Variants in PARD3B observed in about 807,000 individuals in gnomAD.
The protein encoded by PARD3B is partitioning defective 3 homolog B.
A neutral mutation model predicts 130.2 loss-of-function variants in PARD3B; 103 were observed. The ratio of observed to expected loss-of-function variants is 0.79; its 90% CI spans 0.67 to 0.93. The LOEUF is 0.93. Among genes scored for constraint, PARD3B ranks in the 40% least tolerant of loss-of-function variants. PARD3B has a pLI of 0.00. For synonymous variants in PARD3B, 583 were observed against 553.2 expected (o/e 1.05, Z -0.76); for missense variants, 1,609 against 1,499.2 (o/e 1.07, Z -1.21).
chr2:205,270,855 C>G (rs995628350), intron 16 of PARD3B, among the ~76,000 whole-genome samples: 1 of 152,078 alleles, frequency 6.6e-6, no homozygotes, highest in Non-Finnish European at 1.5e-5. Flanking sequence ...GGTCTTCCCC[C>G]AGACGGCTTT....
At chr2:204,891,409 G>A (rs1054594563) in intron 2 of PARD3B, among the ~76,000 whole-genome samples, 18 of 152,064 alleles carry the variant, frequency 1.2e-4, no homozygotes, top group Admixed American at 2.0e-4. Context: ...TGTATGCTGC[G>A]TGCAAGGTCT....
In PARD3B at chr2:204,952,976, G is replaced by A. The variant is rs148028632; in HGVS notation, c.223-12176G>A. On this transcript the variant is annotated intron_variant, in intron 2 of 22. Coordinates refer to ENST00000406610, the MANE Select transcript of PARD3B (RefSeq NM_001302769.2). ...CTTGCTACTGCACTCCAGCCTGGGC[G>A]ACAGTGCGAGACTCAGTCTCAAAAA... Among the ~76,000 whole-genome samples the A allele has an allele frequency of 9.6e-3, 1,345 of 140,652 alleles. 28 individuals are homozygous for A. Among genetic ancestry groups the A allele is most frequent in the African/African-American group, 0.034 (1,265 of 37,310 alleles). The allele number at this position is 140,652 out of a possible 152,430, so 92.3% of individuals were successfully genotyped here. A position where few individuals can be genotyped will look rare whatever the true frequency, so the allele number is the denominator to read the frequency against.
At chr2:205,374,872 G>A (rs943743765) in intron 18 of PARD3B, among the ~76,000 whole-genome samples, 1 of 152,182 alleles carries the variant, frequency 6.6e-6, no homozygotes, top group African/African-American at 2.4e-5. Context: ...TTTTTCAAAG[G>A]TTAGACATGC....
chr2:204,985,163 C>T (rs554294764), intron 3 of PARD3B, among the ~76,000 whole-genome samples: 6 of 152,182 alleles, frequency 3.9e-5, no homozygotes, highest in African/African-American at 1.4e-4. Flanking sequence ...CCTTCCCCCA[C>T]TTCTTTCCTT....
intron 2 of PARD3B, among the ~76,000 whole-genome samples, chr2:204,961,031 GC>G (rs1233954942): frequency 6.6e-6 from 1 of 152,166 alleles, no homozygotes; most frequent in Admixed American, 6.6e-5. Context: ...AGACAATAGT[GC>G]AGCTGGATGG....
At chr2:204,953,011 G>GGT (rs1689914195) in intron 2 of PARD3B, among the ~76,000 whole-genome samples, 2 of 136,404 alleles carry the variant, frequency 1.5e-5, no homozygotes, top group South Asian at 2.5e-4. Flanking sequence ...AAAAAAAAAA[G>GGT]GTATATATAT....
chr2:204,659,906 G>C (rs976049910), intron 1 of PARD3B, among the ~76,000 whole-genome samples: 18 of 152,116 alleles, frequency 1.2e-4, no homozygotes, highest in Non-Finnish European at 2.5e-4. Flanking sequence ...TAAACATAAA[G>C]TTGCAACTAT....
At chr2:205,184,556 C>T (rs1232766559) in intron 13 of PARD3B, among the ~76,000 whole-genome samples, 2 of 152,010 alleles carry the variant, frequency 1.3e-5, no homozygotes, top group Admixed American at 6.6e-5. Context: ...TCCTGGCTAA[C>T]ACGGTGAAAC....
At chr2:205,557,566 C>T (rs1306195615) in intron 22 of PARD3B, among the ~76,000 whole-genome samples, 3 of 152,186 alleles carry the variant, frequency 2.0e-5, no homozygotes, top group African/African-American at 7.2e-5. Context: ...CATCACTTAC[C>T]ACCTGTGTGG....
chr2:205,300,627 C>A lies in PARD3B; in HGVS notation c.2283C>A (p.Asp761Glu). 1 of 1,613,934 alleles carries A rather than the reference C, an allele frequency of 6.2e-7. No homozygotes were observed. Among genetic ancestry groups the A allele is most frequent in the Non-Finnish European group, 8.5e-7 (1 of 1,180,012 alleles). ...QTAVAEVRKN[D>E]LPFHRPRPHM... ...CAGTGGCCGAGGTCAGGAAGAATGA[C>A]CTTCCCTTTCACAGGCCCCGGCCGC... The change falls in exon 17 of 23, where the codon GAC becomes GAA. Residue 761 changes from aspartate to glutamate, a missense_variant. Physicochemically the swap from Asp to Glu is conservative, Grantham distance 45. Transcript: ENST00000406610. The surrounding 1 kb of genome is among the most constrained non-coding windows in gnomAD (Gnocchi z 4.1).
chr2:204,913,045 A>G (rs146943853), intron 2 of PARD3B, among the ~76,000 whole-genome samples: 91 of 152,370 alleles, frequency 6.0e-4, no homozygotes, highest in African/African-American at 2.1e-3. Context: ...ATGAATTTTC[A>G]AATGTTTAAC....
chr2:204,566,018 G>A (rs1453695477), intron 1 of PARD3B, among the ~76,000 whole-genome samples: 4 of 152,260 alleles, frequency 2.6e-5, no homozygotes, highest in South Asian at 4.1e-4. Flanking sequence ...CCAATGAGTG[G>A]CAGTGAATAA....
chr2:205,428,702 G>A (rs1455972608), intron 19 of PARD3B, among the ~76,000 whole-genome samples: 3 of 151,948 alleles, frequency 2.0e-5, no homozygotes, highest in Non-Finnish European at 4.4e-5. Flanking sequence ...TTTAAAGGAG[G>A]GAGGAATAAA....
chr2:205,103,509 CTG>C (rs1208692069), intron 4 of PARD3B, among the ~76,000 whole-genome samples: 2 of 151,988 alleles, frequency 1.3e-5, no homozygotes, highest in African/African-American at 2.4e-5. Flanking sequence ...CTTTCTTACT[CTG>C]TTGGAATAAT....
chr2:204,938,615 G>A (rs1028309769), intron 2 of PARD3B, among the ~76,000 whole-genome samples: 87 of 152,114 alleles, frequency 5.7e-4, no homozygotes, highest in African/African-American at 2.0e-3. Context: ...CTAGACTAGG[G>A]CTTCTCAACC....
chr2:205,157,171 G>C (rs1220576645), intron 10 of PARD3B, among the ~76,000 whole-genome samples: 1 of 152,134 alleles, frequency 6.6e-6, no homozygotes, highest in Non-Finnish European at 1.5e-5. Flanking sequence ...GCAAATCCCA[G>C]AGAGGCCTGG....
intron 1 of PARD3B, among the ~76,000 whole-genome samples, chr2:204,625,719 C>T (rs1412595674): frequency 1.3e-5 from 2 of 152,152 alleles, no homozygotes; most frequent in South Asian, 2.1e-4. Flanking sequence ...CCTTTGTTTT[C>T]GAACAAGTTA....
chr2:204,885,064 A>C (rs1010388816), intron 2 of PARD3B, among the ~76,000 whole-genome samples: 7 of 152,226 alleles, frequency 4.6e-5, no homozygotes, highest in Non-Finnish European at 7.3e-5. Context: ...ACTGTCTTCC[A>C]CAATGGTTGA....
intron 1 of PARD3B, among the ~76,000 whole-genome samples, chr2:204,549,218 A>G (rs2030259626): frequency 6.6e-6 from 1 of 152,104 alleles, no homozygotes; most frequent in Non-Finnish European, 1.5e-5. Context: ...GGTTCCTGCC[A>G]CCATTTGATG....
Sources: allele counts gnomAD v4.1 joint callset (sites outside exome capture counted in the v4.1 genomes callset), GRCh38; gene constraint gnomAD v4.1.1; non-coding constraint Gnocchi (gnomAD v3.1); transcripts MANE v1.5; gene names NCBI Gene and HGNC (gene_info 2026-07-23, HGNC 2026-07-21).